Variants in PLCB1 observed in about 807,000 individuals in gnomAD.
PLCB1 encodes the protein 1-phosphatidylinositol 4,5-bisphosphate phosphodiesterase beta-1.
Under a neutral mutation model 161.8 loss-of-function variants are expected in PLCB1, and 46 were observed. The ratio of observed to expected loss-of-function variants is 0.28; its 90% CI spans 0.22 to 0.36. PLCB1 has a LOEUF of 0.36. Ranked by LOEUF, PLCB1 falls within the 10% of genes least tolerant of loss-of-function variation. The pLI, the probability that PLCB1 is intolerant of heterozygous loss-of-function variation, is 1.00. For synonymous variants in PLCB1, 517 were observed against 503.7 expected (o/e 1.03, Z -0.35); for missense variants, 1,016 against 1,472.5 (o/e 0.69, Z 5.07).
intron 1 of PLCB1, among the ~76,000 whole-genome samples, chr20:8,139,369 T>A (rs932317310): frequency 6.6e-6 from 1 of 152,176 alleles, no homozygotes; most frequent in African/African-American, 2.4e-5. Flanking sequence ...GTGCTAGGAT[T>A]ACAGGTGTGA....
intron 2 of PLCB1, among the ~76,000 whole-genome samples, chr20:8,365,172 G>C (rs1183432036): frequency 1.3e-5 from 2 of 152,188 alleles, no homozygotes; most frequent in Non-Finnish European, 2.9e-5. Flanking sequence ...ATCTGCACCT[G>C]TGTTTGACAG....
chr20:8,607,290 G>T (rs1987784443), intron 3 of PLCB1, among the ~76,000 whole-genome samples: 1 of 152,086 alleles, frequency 6.6e-6, no homozygotes. Flanking sequence ...CTCCAGTTTT[G>T]CACATTGGCA....
intron 2 of PLCB1, among the ~76,000 whole-genome samples, chr20:8,167,944 G>T (rs1419525111): frequency 6.6e-6 from 1 of 152,120 alleles, no homozygotes; most frequent in Non-Finnish European, 1.5e-5. Flanking sequence ...GGTTGGATGT[G>T]TGGCTCTGCT....
At chr20:8,203,564 G>A (rs537481817) in intron 2 of PLCB1, among the ~76,000 whole-genome samples, 1 of 152,052 alleles carries the variant, frequency 6.6e-6, no homozygotes, top group African/African-American at 2.4e-5. Context: ...GGCCGGGGGT[G>A]GGGTGGGGGA....
chr20:8,293,914 G>A (rs1268213461), intron 2 of PLCB1, among the ~76,000 whole-genome samples: 1 of 152,188 alleles, frequency 6.6e-6, no homozygotes, highest in Non-Finnish European at 1.5e-5. Flanking sequence ...GGGCGGGTCT[G>A]TGGCAGAAAA....
At chr20:8,417,890 G>C (rs1182216293) in intron 3 of PLCB1, among the ~76,000 whole-genome samples, 1 of 152,206 alleles carries the variant, frequency 6.6e-6, no homozygotes, top group Admixed American at 6.5e-5. Context: ...AGTCCCATCT[G>C]TGGGAAAACA....
At chr20:8,133,552 T>G (rs1397792734) in intron 1 of PLCB1, among the ~76,000 whole-genome samples, 1 of 152,196 alleles carries the variant, frequency 6.6e-6, no homozygotes, top group Non-Finnish European at 1.5e-5. Flanking sequence ...GGGTCTCTAA[T>G]GCTTTACGAG....
At chr20:8,740,507 A>C in intron 22 of PLCB1, 59 bp downstream of exon 22, 1 of 987,734 alleles carries the variant, frequency 1.0e-6, no homozygotes, top group East Asian at 2.8e-5. Context: ...CTGAGTCACC[A>C]TATATTTTTG....
intron 2 of PLCB1, among the ~76,000 whole-genome samples, chr20:8,199,624 TTCTTAATGATTTTATATATTAAGGA>T (rs1419186865): frequency 6.6e-6 from 1 of 152,142 alleles, no homozygotes; most frequent in Non-Finnish European, 1.5e-5. Context: ...GTATGTGAGA[TTCTTAATGATTTTATATATTAAGGA>T]TCTTAATGAT....
intron 2 of PLCB1, among the ~76,000 whole-genome samples, chr20:8,196,063 A>G (rs963327792): frequency 1.3e-5 from 2 of 152,012 alleles, no homozygotes; most frequent in Non-Finnish European, 1.5e-5. Context: ...ACAAAATCTC[A>G]TGAGAACTCA....
chr20:8,351,677 A>G (rs1986183356), intron 2 of PLCB1, among the ~76,000 whole-genome samples: 1 of 152,034 alleles, frequency 6.6e-6, no homozygotes, highest in Non-Finnish European at 1.5e-5. Flanking sequence ...TATTTGGCAA[A>G]ACATATGAAC....
chr20:8,457,709 T>TGCGC (rs149327885), intron 3 of PLCB1, among the ~76,000 whole-genome samples: 1 of 108,154 alleles, frequency 9.2e-6, no homozygotes, highest in East Asian at 2.4e-4. Context: ...CCCTAATGTG[T>TGCGC]GCGCGCACAC....
At chr20:8,407,368 A>G (rs1451069124) in intron 3 of PLCB1, among the ~76,000 whole-genome samples, 1 of 152,206 alleles carries the variant, frequency 6.6e-6, no homozygotes, top group East Asian at 1.9e-4. Context: ...AACACTCTGT[A>G]TTAGTCCATT....
chr20:8,768,377 G>T (rs532699516), intron 26 of PLCB1, among the ~76,000 whole-genome samples: 1 of 151,988 alleles, frequency 6.6e-6, no homozygotes, highest in South Asian at 2.1e-4. Flanking sequence ...GGTGTGTCTT[G>T]GTCCAAATTT....
At chr20:8,544,911 G>T (rs917290610) in intron 3 of PLCB1, among the ~76,000 whole-genome samples, 1 of 152,164 alleles carries the variant, frequency 6.6e-6, no homozygotes, top group Admixed American at 6.5e-5. Context: ...GAAAGTCACA[G>T]ATTTGATATC....
intron 4 of PLCB1, among the ~76,000 whole-genome samples, chr20:8,643,433 T>A (rs1451496438): frequency 6.6e-6 from 1 of 152,172 alleles, no homozygotes; most frequent in Non-Finnish European, 1.5e-5. Flanking sequence ...CCTCTAGTTC[T>A]TTTCCCAGTT....
intron 18 of PLCB1, among the ~76,000 whole-genome samples, chr20:8,730,631 TAAA>T (rs73613689): frequency 3.3e-5 from 5 of 150,976 alleles, no homozygotes; most frequent in African/African-American, 1.2e-4. Context: ...CCTTGACTAC[TAAA>T]AAAAAACTAT....
intron 3 of PLCB1, among the ~76,000 whole-genome samples, chr20:8,553,748 C>A (rs1231574006): frequency 6.6e-6 from 1 of 151,998 alleles, no homozygotes; most frequent in Non-Finnish European, 1.5e-5. Flanking sequence ...TTCCTGTAAT[C>A]CTAGCACTTT....
At chr20:8,801,552 A>T (rs898147784) in intron 31 of PLCB1, among the ~76,000 whole-genome samples, 3 of 152,306 alleles carry the variant, frequency 2.0e-5, no homozygotes, top group Non-Finnish European at 4.4e-5. Flanking sequence ...ATCGCCTGCC[A>T]TATAGCTGGT....
Sources: allele counts gnomAD v4.1 joint callset (sites outside exome capture counted in the v4.1 genomes callset), GRCh38; gene constraint gnomAD v4.1.1; transcripts MANE v1.5; gene names NCBI Gene and HGNC (gene_info 2026-07-23, HGNC 2026-07-21).